Variants in VWCE observed in about 807,000 individuals in gnomAD.
The protein encoded by VWCE is von Willebrand factor C and EGF domain-containing protein.
In VWCE, 68 loss-of-function variants were observed where a neutral mutation model predicts 102.9. The observed-to-expected ratio is 0.66, with a 90% CI of 0.54 to 0.81. The LOEUF (loss-of-function observed/expected upper bound fraction) is 0.81. VWCE is among the 30% of genes least tolerant of loss of function. The pLI, the probability that VWCE is intolerant of heterozygous loss-of-function variation, is 0.00. For missense variants in VWCE, 1,137 were observed against 1,263.6 expected (o/e 0.90, Z 1.52); for synonymous variants, 497 against 515.4 (o/e 0.96, Z 0.48).
At chr11:61,278,300 G>T in intron 10 of VWCE, 94 bp downstream of exon 10, 1 of 1,359,430 alleles carries the variant, frequency 7.4e-7, no homozygotes, top group Non-Finnish European at 1.0e-6. Context: ...CACTCAACAA[G>T]CTCACCTTTA....
intron 14 of VWCE, 109 bp downstream of exon 14, chr11:61,271,566 A>T: frequency 2.0e-6 from 2 of 1,021,548 alleles, no homozygotes; most frequent in East Asian, 2.6e-5. Context: ...CCGGAGGGAG[A>T]CTGCGGCCAG....
In VWCE at chr11:61,259,019, G is replaced by A. The variant is rs1355028809; in HGVS notation, c.2524C>T (p.Pro842Ser). 6.2e-7 allele frequency: 1 copy of A among 1,613,856 alleles called. No individual in the cohort carries two copies. The highest frequency in any genetic ancestry group is 8.5e-7 in the Non-Finnish European group (1 of 1,179,858). The change falls in exon 20 of 20, where the codon CCT (proline) becomes TCT (serine). Residue 842 changes from proline (P) to serine (S), a missense_variant. Pro to Ser is a moderately conservative substitution (Grantham distance 74). Around this residue, in one of 5 missense-constraint regions of VWCE, gnomAD observed 316 missense variants for 319.3 expected, o/e 0.99. Coordinates refer to ENST00000335613, the MANE Select transcript of VWCE (RefSeq NM_152718.2). ...GTCGAAGGCCCTGGTGAGAGTCGAGGGGAGGCCCCAGGCTCCCCTGGGAAA... is the reference window on the plus strand; with the variant it reads ...GTCGAAGGCCCTGGTGAGAGTCGAGAGGAGGCCCCAGGCTCCCCTGGGAAA... ...ATFPGEPGAS[P>S]RLSPGPSTPP...
intron 11 of VWCE, among the ~76,000 whole-genome samples, chr11:61,276,301 C>A (rs73490303): frequency 6.6e-6 from 1 of 151,650 alleles, no homozygotes; most frequent in African/African-American, 2.4e-5. Context: ...CCAGCTACTC[C>A]CTACTCCGGA....
chr11:61,273,329 C>T lies in VWCE; in HGVS notation c.1582-13G>A. The T allele has an allele frequency of 1.9e-6, 3 of 1,602,154 alleles. No individual in the cohort carries two copies. The highest frequency in any genetic ancestry group is 2.6e-6 in the Non-Finnish European group (3 of 1,173,448). ...CCACCTCCCCATTCTGGAAGAGAGC[C>T]CAGGCACAGAATGATGAGGGCGGCA... On this transcript the variant is annotated splice_polypyrimidine_tract_variant and intron_variant, in intron 12 of 19. Coordinates refer to ENST00000335613, the MANE Select transcript of VWCE (RefSeq NM_152718.2).
intron 13 of VWCE, among the ~76,000 whole-genome samples, chr11:61,272,764 GAC>G (rs1462614218): frequency 2.0e-5 from 3 of 150,892 alleles, no homozygotes; most frequent in Admixed American, 6.6e-5. Flanking sequence ...CTCTCACGCA[GAC>G]ACACTCATAC....
rs528377490 is a variant in VWCE at position 61,287,038 on chromosome 11, A to G, written c.425-608T>C. On this transcript the variant is annotated intron_variant, in intron 4 of 19. Transcript: ENST00000335613. ...CGTAAACCTGGGAGGCGGAGCTTGC[A>G]GTGAGCCAAGATCGCACCACTGCAC... Among the ~76,000 whole-genome samples the G allele has an allele frequency of 5.4e-5, 8 of 148,640 alleles. No homozygotes were observed. The South Asian group carries it at 1.7e-3, about 32-fold the overall frequency.
chr11:61,282,183 T>C (rs1281582100), intron 6 of VWCE, among the ~76,000 whole-genome samples: 1 of 152,176 alleles, frequency 6.6e-6, no homozygotes, highest in Non-Finnish European at 1.5e-5. Flanking sequence ...AATTAATTGC[T>C]GCGTGGTAGG....
rs368391625 is a variant in VWCE, at chr11:61,272,301, G to GAC, written c.1700-543_1700-542dup. Among the ~76,000 whole-genome samples, 609 of 151,260 alleles carry GAC rather than the reference G, an allele frequency of 4.0e-3. 7 individuals carry two copies. The highest frequency in any genetic ancestry group is 0.014 in the African/African-American group (579 of 41,174). On this transcript the variant is annotated intron_variant, in intron 13 of 19. Transcript: ENST00000335613. ...ACTTACATACACATACATATGCTCAGACACACACACACAGATACTACTCAG... is the reference window on the plus strand; with the variant it reads ...ACTTACATACACATACATATGCTCAGACACACACACACACAGATACTACTCAG...
intron 4 of VWCE, among the ~76,000 whole-genome samples, chr11:61,290,253 T>C (rs567499977): frequency 6.6e-6 from 1 of 152,332 alleles, no homozygotes; most frequent in East Asian, 1.9e-4. Flanking sequence ...GGCTCACGCC[T>C]GTAATCCTAA....
In VWCE at chr11:61,282,772, G is replaced by A. The variant is rs752284310; in HGVS notation, c.658+17C>T. On this transcript the variant is annotated intron_variant, in intron 6 of 19. Coordinates refer to ENST00000335613, the MANE Select transcript of VWCE (RefSeq NM_152718.2). ...GGCAGCCTAAGTGTGCAGACCACAG[G>A]GTCCTCCCCGCCTTACCTACACAGG... 4 of 1,606,442 alleles carry A rather than the reference G, an allele frequency of 2.5e-6. No homozygotes were observed. Among genetic ancestry groups the A allele is most frequent in the South Asian group, 2.2e-5 (2 of 90,856 alleles).
chr11:61,265,151 G>A lies in VWCE; in HGVS notation c.2027C>T (p.Pro676Leu). 6.3e-7 allele frequency: 1 copy of A among 1,575,548 alleles called. No individual in the cohort carries two copies. Among genetic ancestry groups the A allele is most frequent in the Non-Finnish European group, 8.6e-7 (1 of 1,160,602 alleles). ...GCACACGGGGCAGCACTCCCCGTCA[G>A]GGTGGAAAGGGTAGGTACAGGTGAT... ...CPITCTYPFH[P>L]DGECCPVCRD... The change falls in exon 17 of 20, where the codon CCT (proline) becomes CTT (leucine). Residue 676 changes from proline (P) to leucine (L), a missense_variant. Coordinates refer to ENST00000335613, the MANE Select transcript of VWCE (RefSeq NM_152718.2).
chr11:61,276,448 G>A (rs1276090104), intron 11 of VWCE, 145 bp downstream of exon 11: 2 of 536,808 alleles, frequency 3.7e-6, no homozygotes, highest in African/African-American at 2.0e-5. Flanking sequence ...CTGGGCTTGG[G>A]GGCTCATGCC....
intron 3 of VWCE, 104 bp downstream of exon 3, chr11:61,291,160 T>C (rs1855491466): frequency 7.8e-7 from 1 of 1,276,884 alleles, no homozygotes; most frequent in East Asian, 2.5e-5. Flanking sequence ...AATGGAGTTG[T>C]CTGAAGCTGA....
chr11:61,259,231 T>G lies in VWCE; in HGVS notation c.2312A>C (p.His771Pro). The G allele has an allele frequency of 6.2e-7, 1 of 1,613,828 alleles. No individual in the cohort carries two copies. Among genetic ancestry groups the G allele is most frequent in the South Asian group, 1.1e-5 (1 of 91,068 alleles). ...GTTGACAGGGGCCTCAGTGTCTCCA[T>G]GCAGGCTCCGACCAGCTTTGCTGAA... ...VAFSKAGRSL[H>P]GDTEAPVNCS... is the part of the protein sequence containing the mutation. The change falls in exon 20 of 20, where the codon CAT (histidine) becomes CCT (proline). Residue 771 changes from histidine (H) to proline (P), a missense_variant. Around this residue, in one of 5 missense-constraint regions of VWCE, gnomAD observed 316 missense variants for 319.3 expected, o/e 0.99. Transcript: ENST00000335613.
intron 4 of VWCE, among the ~76,000 whole-genome samples, chr11:61,289,623 G>A (rs1395709249): frequency 6.6e-6 from 1 of 152,134 alleles, no homozygotes; most frequent in Non-Finnish European, 1.5e-5. Flanking sequence ...AATAATAAAA[G>A]CTACAGATAA....
chr11:61,264,586 G>A lies in VWCE; in HGVS notation c.2140-9C>T, dbSNP rs376487076. The A allele has an allele frequency of 6.9e-6, 11 of 1,602,564 alleles. No homozygotes were observed. The African/African-American group carries it at 1.5e-4, about 21-fold the overall frequency. On this transcript the variant is annotated splice_polypyrimidine_tract_variant and intron_variant, in intron 18 of 19. Coordinates refer to ENST00000335613, the MANE Select transcript of VWCE (RefSeq NM_152718.2). The stretch of plus-strand genomic sequence containing the variant: ...CAGCTCACCTCTCCCAGCTGGGGAA[G>A]CAGAAGGAACCCCATGAGGAAGCCC...
At chr11:61,282,341 T>A (rs1288150602) in intron 6 of VWCE, among the ~76,000 whole-genome samples, 1 of 152,188 alleles carries the variant, frequency 6.6e-6, no homozygotes, top group East Asian at 1.9e-4. Flanking sequence ...TTCAGGCCCA[T>A]GGGACCCCAC....
chr11:61,282,484 G>A (rs1855174204), intron 6 of VWCE: 1 of 314,236 alleles, frequency 3.2e-6, no homozygotes, highest in Admixed American at 4.8e-5. Context: ...TTACCAAGGG[G>A]AGCAAAGGCA....
At chr11:61,286,292 C>A in intron 5 of VWCE, 22 bp downstream of exon 5, 1 of 1,598,710 alleles carries the variant, frequency 6.3e-7, no homozygotes, top group Non-Finnish European at 8.5e-7. Context: ...CCCAGAGCAG[C>A]CATTCCTTCT....
Sources: allele counts gnomAD v4.1 joint callset (sites outside exome capture counted in the v4.1 genomes callset), GRCh38; gene constraint gnomAD v4.1.1; regional missense constraint gnomAD v4.1.1; transcripts MANE v1.5; gene names NCBI Gene and HGNC (gene_info 2026-07-23, HGNC 2026-07-21).